The following FMN2 variants were observed in gnomAD, a reference collection of about 807,000 sequenced individuals.
The protein encoded by FMN2 is formin 2, also known as formin-2.
FMN2 carries 51 observed loss-of-function variants against 142.3 expected under a neutral mutation model. The observed-to-expected ratio is 0.36, with a 90% CI of 0.29 to 0.45. FMN2 has a LOEUF of 0.45. Ranked by LOEUF, FMN2 falls within the 20% of genes least tolerant of loss-of-function variation. FMN2 has a pLI of 1.00. For missense variants in FMN2, 1,936 were observed against 2,122.8 expected, an observed-to-expected ratio of 0.91 and a Z score of 1.73; for synonymous variants, 882 against 869.8, an observed-to-expected ratio of 1.01 and a Z score of -0.25.
At chr1:240,172,427 T>C (rs1470527109) in intron 2 of FMN2, among the ~76,000 whole-genome samples, 3 of 152,204 alleles carry the variant, frequency 2.0e-5, no homozygotes, top group Non-Finnish European at 2.9e-5. Flanking sequence ...GAAAAGGATT[T>C]TTTTAAAGAA....
rs911631177 is a variant in FMN2, at chr1:240,454,178, A to G, written c.5060+15968A>G. Among the ~76,000 whole-genome samples, 7 of 96,092 alleles carry G rather than the reference A, an allele frequency of 7.3e-5. No homozygotes were observed. In the South Asian group the frequency reaches 2.1e-3, roughly 28 times the overall value. The allele number at this position is 96,092 out of a possible 152,430, so 63.0% of individuals were successfully genotyped here. A position where few individuals can be genotyped will look rare whatever the true frequency, so the allele number is the denominator to read the frequency against. Reference sequence around the variant, plus strand: ...CTTTCTTCACTGTGGATCCGTAGCAATCATGGCGTTTTCTCTTTTTTGTCT... The same window carrying G: ...CTTTCTTCACTGTGGATCCGTAGCAGTCATGGCGTTTTCTCTTTTTTGTCT... On this transcript the variant is annotated intron_variant, in intron 16 of 17. Coordinates refer to ENST00000319653, the MANE Select transcript of FMN2 (RefSeq NM_020066.5).
At chr1:240,285,311 A>C in intron 7 of FMN2, 1 of 455,344 alleles carries the variant, frequency 2.2e-6, no homozygotes, top group Non-Finnish European at 4.4e-6. Flanking sequence ...TCCTCTGAAC[A>C]CCAAGCAGAT....
intron 1 of FMN2, among the ~76,000 whole-genome samples, chr1:240,109,270 G>A (rs1348151990): frequency 2.0e-5 from 3 of 152,148 alleles, no homozygotes; most frequent in Admixed American, 1.3e-4. Flanking sequence ...TGGTTTGAAC[G>A]AAATGATCTC....
chr1:240,155,494 T>TGGTC (rs1663986096), intron 2 of FMN2, among the ~76,000 whole-genome samples: 1 of 152,160 alleles, frequency 6.6e-6, no homozygotes, highest in Non-Finnish European at 1.5e-5. Context: ...GTTGCCAGGT[T>TGGTC]GGTCTCAAAC....
chr1:240,459,737 A>T (rs1242498948), intron 16 of FMN2, among the ~76,000 whole-genome samples: 14 of 113,412 alleles, frequency 1.2e-4, no homozygotes, highest in African/African-American at 3.6e-4. Context: ...AAAAAAAAAA[A>T]AAAAAAAAAA....
chr1:240,468,352 C>T (rs1040987143), intron 16 of FMN2, among the ~76,000 whole-genome samples: 1 of 113,540 alleles, frequency 8.8e-6, no homozygotes, highest in Non-Finnish European at 1.8e-5. Flanking sequence ...ATATATATCT[C>T]TTCATGAATC....
intron 4 of FMN2, 95 bp downstream of exon 4, chr1:240,188,357 T>C: frequency 7.6e-7 from 1 of 1,309,558 alleles, no homozygotes; most frequent in Non-Finnish European, 1.1e-6. Flanking sequence ...TCTGCCCGGC[T>C]GGCTAGGATG....
intron 6 of FMN2, among the ~76,000 whole-genome samples, chr1:240,256,837 A>G (rs920798037): frequency 6.6e-6 from 1 of 151,984 alleles, no homozygotes; most frequent in Non-Finnish European, 1.5e-5. Context: ...TTTATTCCTC[A>G]CCCCCATCCG....
chr1:240,292,274 C>A (rs1056873117), intron 7 of FMN2, among the ~76,000 whole-genome samples: 2 of 152,008 alleles, frequency 1.3e-5, no homozygotes, highest in Middle Eastern at 6.8e-3. Flanking sequence ...CTTTTTGCCA[C>A]CGAAATAAAT....
chr1:240,409,671 AT>A, intron 15 of FMN2, among the ~76,000 whole-genome samples: 1 of 152,198 alleles, frequency 6.6e-6, no homozygotes, highest in Non-Finnish European at 1.5e-5. Context: ...GCATTGTAAT[AT>A]TTGTGTAGAC....
At chr1:240,290,793 G>GTTT (rs761547443) in intron 7 of FMN2, among the ~76,000 whole-genome samples, 11 of 84,736 alleles carry the variant, frequency 1.3e-4, no homozygotes, top group South Asian at 3.7e-4. Context: ...TTTTTTTTTT[G>GTTT]TTTTTTTTTT....
intron 6 of FMN2, among the ~76,000 whole-genome samples, chr1:240,216,534 T>C (rs190706581): frequency 1.3e-3 from 197 of 152,344 alleles, no homozygotes; most frequent in African/African-American, 4.7e-3. Flanking sequence ...TGTTGGACTT[T>C]AGCCTCTGGA....
At chr1:240,445,165 A>C (rs891942809) in intron 16 of FMN2, among the ~76,000 whole-genome samples, 2 of 152,224 alleles carry the variant, frequency 1.3e-5, no homozygotes, top group Non-Finnish European at 2.9e-5. Flanking sequence ...TGTATTCATG[A>C]ATTGGAGTAA....
intron 13 of FMN2, among the ~76,000 whole-genome samples, chr1:240,352,363 C>A (rs1461168537): frequency 1.3e-5 from 2 of 152,128 alleles, no homozygotes; most frequent in Non-Finnish European, 2.9e-5. Context: ...AGGTGGATCA[C>A]CTGAGGTCAG....
At chr1:240,291,056 C>T (rs989480464) in intron 7 of FMN2, among the ~76,000 whole-genome samples, 3 of 152,100 alleles carry the variant, frequency 2.0e-5, no homozygotes, top group Admixed American at 6.5e-5. Context: ...TCAGGTGATC[C>T]GCCTGCCTTG....
intron 2 of FMN2, chr1:240,143,956 G>T: frequency 6.9e-7 from 1 of 1,444,576 alleles, no homozygotes; most frequent in Non-Finnish European, 9.7e-7. Context: ...TCATGGTGTT[G>T]CTGTTGTGGA....
chr1:240,258,483 T>G (rs1289993507), intron 7 of FMN2, among the ~76,000 whole-genome samples: 8 of 152,116 alleles, frequency 5.3e-5, no homozygotes, highest in Non-Finnish European at 1.0e-4. Flanking sequence ...TGTGTCTGTT[T>G]TATAAGGGGA....
At chr1:240,244,379 T>C (rs1158797570) in intron 6 of FMN2, among the ~76,000 whole-genome samples, 3 of 152,214 alleles carry the variant, frequency 2.0e-5, no homozygotes, top group African/African-American at 4.8e-5. Context: ...GTTATCTCTA[T>C]TGGATATTTA....
chr1:240,420,724 A>G (rs1572289751), intron 15 of FMN2, among the ~76,000 whole-genome samples: 3 of 152,316 alleles, frequency 2.0e-5, no homozygotes, highest in Admixed American at 2.0e-4. Flanking sequence ...GTCTTCAGCA[A>G]TCACATAGCC....
Sources: gnomAD v4.1 joint callset for allele counts (sites outside exome capture counted in the v4.1 genomes callset) on GRCh38, gnomAD v4.1.1 for gene constraint, MANE v1.5 for transcripts, NCBI Gene and HGNC (gene_info 2026-07-23, HGNC 2026-07-21) for gene names.